Variants in RPAP2 observed in about 807,000 individuals in gnomAD.
The protein encoded by RPAP2 is putative RNA polymerase II subunit B1 CTD phosphatase RPAP2.
In RPAP2, 52 loss-of-function variants were observed where a neutral mutation model predicts 73.1. The observed-to-expected ratio is 0.71, with a 90% CI of 0.57 to 0.90. The LOEUF (loss-of-function observed/expected upper bound fraction) is 0.90, where lower values mean the gene tolerates loss of function less well. RPAP2 is among the 40% of genes least tolerant of loss of function. The probability of loss-of-function intolerance (pLI) is 0.00; values close to 1 mark genes in which losing one functional copy is unlikely to be tolerated. For missense variants in RPAP2, 598 were observed against 701.8 expected, an observed-to-expected ratio of 0.85 and a Z score of 1.67; for synonymous variants, 225 against 242.1, an observed-to-expected ratio of 0.93 and a Z score of 0.65.
intron 11 of RPAP2, among the ~76,000 whole-genome samples, chr1:92,363,399 G>A (rs1435899079): frequency 6.6e-6 from 1 of 152,222 alleles, no homozygotes; most frequent in Admixed American, 6.5e-5. Flanking sequence ...AGTGTGAACA[G>A]GAGAGAAATA....
chr1:92,357,639 C>G (rs528902732), intron 11 of RPAP2, among the ~76,000 whole-genome samples: 1 of 152,324 alleles, frequency 6.6e-6, no homozygotes, highest in South Asian at 2.1e-4. Context: ...TCAAGTGATT[C>G]TTGTGCCTCA....
chr1:92,327,110 C>A (rs996757459), intron 8 of RPAP2, among the ~76,000 whole-genome samples: 1 of 152,200 alleles, frequency 6.6e-6, no homozygotes, highest in East Asian at 1.9e-4. Context: ...TCTGTTAAAT[C>A]CATTTGTTCT....
rs143565558 is a variant in RPAP2, at chr1:92,396,634, A to ATATGTGTGTGTG, written c.*9624_*9625insATGTGTGTGTGT. 1 of 149,870 alleles carries ATATGTGTGTGTG rather than the reference A, an allele frequency of 6.7e-6. No individual in the cohort carries two copies. The highest frequency in any genetic ancestry group is 6.7e-5 in the Admixed American group (1 of 15,008). The allele number at this position is 149,870 out of a possible 1,614,324, so 9.3% of individuals were successfully genotyped here. ...AAGTTGTAATTTTTGCACAACTTTTATGTGTGTGTGTGTGTGTGTGTGTGA... is the reference window on the plus strand; with the variant it reads ...AAGTTGTAATTTTTGCACAACTTTTATATGTGTGTGTGTGTGTGTGTGTGTGTGTGTGTGTGA... On this transcript the variant is annotated 3_prime_UTR_variant, in exon 13 of 13. Transcript: ENST00000610020.
intron 11 of RPAP2, among the ~76,000 whole-genome samples, chr1:92,372,869 C>T (rs1182722773): frequency 3.9e-5 from 6 of 152,172 alleles, no homozygotes; most frequent in Admixed American, 3.9e-4. Flanking sequence ...GAGCTATGAT[C>T]GCACCACTGC....
intron 6 of RPAP2, among the ~76,000 whole-genome samples, chr1:92,313,507 TAAAC>T (rs554188639): frequency 9.5e-4 from 144 of 151,990 alleles, no homozygotes; most frequent in African/African-American, 3.3e-3. Context: ...AGCCATGCTG[TAAAC>T]AGATGTGCAG....
intron 11 of RPAP2, among the ~76,000 whole-genome samples, chr1:92,351,519 G>T (rs899875905): frequency 7.9e-5 from 12 of 152,056 alleles, no homozygotes; most frequent in African/African-American, 2.9e-4. Flanking sequence ...ATTTTGAGAA[G>T]ATTTTCTAGC....
chr1:92,369,285 GTTTGT>G (rs1655052292), intron 11 of RPAP2, among the ~76,000 whole-genome samples: 1 of 152,058 alleles, frequency 6.6e-6, no homozygotes, highest in Non-Finnish European at 1.5e-5. Context: ...GGTTTTGCTT[GTTTGT>G]TTTGTTTATG....
At chr1:92,320,417 C>T (rs984477723) in intron 6 of RPAP2, among the ~76,000 whole-genome samples, 182 bp from the exon 7 acceptor site, 5 of 151,994 alleles carry the variant, frequency 3.3e-5, no homozygotes, top group African/African-American at 4.8e-5. Context: ...GGACTACAGG[C>T]GCGCACCGCC....
chr1:92,355,715 T>C (rs1310623877), intron 11 of RPAP2, among the ~76,000 whole-genome samples: 1 of 152,168 alleles, frequency 6.6e-6, no homozygotes, highest in Admixed American at 6.5e-5. Flanking sequence ...AAATCCAAAA[T>C]GCTCCAAAAT....
At chr1:92,374,730 A>AT (rs575629053) in intron 11 of RPAP2, among the ~76,000 whole-genome samples, 1 of 152,212 alleles carries the variant, frequency 6.6e-6, no homozygotes, top group African/African-American at 2.4e-5. Context: ...CAGACATAAC[A>AT]TGGAATTCAG....
intron 10 of RPAP2, among the ~76,000 whole-genome samples, chr1:92,344,986 G>A (rs983166544): frequency 6.6e-5 from 10 of 152,008 alleles, no homozygotes; most frequent in African/African-American, 2.2e-4. Context: ...GAGAATCTAA[G>A]ATGACTACAG....
intron 6 of RPAP2, among the ~76,000 whole-genome samples, chr1:92,310,995 A>G (rs895939941): frequency 6.6e-6 from 1 of 152,242 alleles, no homozygotes; most frequent in African/African-American, 2.4e-5. Context: ...TCATATATGC[A>G]TATAACTAAA....
At chr1:92,373,079 C>T (rs144650488) in intron 11 of RPAP2, among the ~76,000 whole-genome samples, 12 of 152,280 alleles carry the variant, frequency 7.9e-5, no homozygotes, top group Non-Finnish European at 1.8e-4. Flanking sequence ...AAGTCATTGT[C>T]CTCATGACGT....
chr1:92,353,774 C>T (rs1169214472), intron 11 of RPAP2, among the ~76,000 whole-genome samples: 1 of 152,092 alleles, frequency 6.6e-6, no homozygotes, highest in Non-Finnish European at 1.5e-5. Context: ...ATACTTATTG[C>T]TGAGAGTTTA....
At position 92,389,877 on chromosome 1, in the gene RPAP2, A is replaced by C. The variant is rs1318387147; in HGVS notation, c.*2866A>C. The C allele has an allele frequency of 6.6e-6, 1 of 152,254 alleles. No individual in the cohort carries two copies. The highest frequency in any genetic ancestry group is 1.9e-4 in the East Asian group (1 of 5,206). 9.4% of individuals were successfully genotyped at this position (152,254 alleles called of 1,614,324 possible). ...GTGAAAAGAAATGAACAAAGCCTCC[A>C]AGAAATATGAGACTATGTGAAAAGA... On this transcript the variant is annotated 3_prime_UTR_variant, in exon 13 of 13. Transcript: ENST00000610020.
intron 12 of RPAP2, among the ~76,000 whole-genome samples, chr1:92,382,988 G>A (rs895782712): frequency 2.6e-5 from 4 of 152,098 alleles, no homozygotes; most frequent in African/African-American, 9.7e-5. Context: ...TCTACATATG[G>A]CTAGCCAGTT....
At chr1:92,353,646 A>C (rs1249687213) in intron 11 of RPAP2, among the ~76,000 whole-genome samples, 4 of 152,076 alleles carry the variant, frequency 2.6e-5, no homozygotes, top group Non-Finnish European at 5.9e-5. Flanking sequence ...GCTTATATAC[A>C]TCTTGAATTT....
intron 10 of RPAP2, among the ~76,000 whole-genome samples, chr1:92,345,492 C>T (rs1202797698): frequency 6.7e-6 from 1 of 149,078 alleles, no homozygotes; most frequent in Non-Finnish European, 1.5e-5. Context: ...GGAGGAATTG[C>T]TTGGTTAGGG....
chr1:92,323,701 A>G lies in RPAP2; in HGVS notation c.781A>G (p.Lys261Glu), dbSNP rs1169697708. 3 of 1,613,934 alleles carry G rather than the reference A, an allele frequency of 1.9e-6. No homozygotes were observed. In the African/African-American group the frequency reaches 4.0e-5, roughly 22 times the overall value. The change falls in exon 8 of 13, where the codon AAA becomes GAA. Residue 261 changes from lysine (K) to glutamate (E), a missense_variant. Coordinates refer to ENST00000610020, the MANE Select transcript of RPAP2 (RefSeq NM_024813.3). ...KAGHKANSKH[K>E]DKEQTVVDVT... is the part of the protein sequence containing the mutation. ...TGGTCACAAAGCTAACTCCAAACAC[A>G]AAGACAAAGAACAGACAGTAGTAGA...
Sources: gnomAD v4.1 joint callset for allele counts (sites outside exome capture counted in the v4.1 genomes callset) on GRCh38, gnomAD v4.1.1 for gene constraint, MANE v1.5 for transcripts, NCBI Gene and HGNC (gene_info 2026-07-23, HGNC 2026-07-21) for gene names.